The following ZNF724 variants were observed in gnomAD, a reference collection of about 807,000 sequenced individuals.
The protein encoded by ZNF724 is zinc finger protein 724.
ZNF724 carries 14 observed loss-of-function variants against 29.3 expected under a neutral mutation model. The ratio of observed to expected loss-of-function variants is 0.48; its 90% CI spans 0.32 to 0.75. The LOEUF (loss-of-function observed/expected upper bound fraction) is 0.75. Ranked by LOEUF, ZNF724 falls within the 30% of genes least tolerant of loss-of-function variation. The probability of loss-of-function intolerance (pLI) is 0.04; values close to 1 mark genes in which losing one functional copy is unlikely to be tolerated. For synonymous variants in ZNF724, 180 were observed against 193.6 expected, an observed-to-expected ratio of 0.93 and a Z score of 0.58; for missense variants, 557 against 571.2, an observed-to-expected ratio of 0.98 and a Z score of 0.25.
Position 23,250,330 on chromosome 19 carries a change from A to G in ZNF724, c.-88T>C, listed in dbSNP as rs2145801798. The G allele has an allele frequency of 1.8e-6, 1 of 542,406 alleles. No individual in the cohort carries two copies. The highest frequency in any genetic ancestry group is 3.7e-6 in the Non-Finnish European group (1 of 270,978). The allele number at this position is 542,406 out of a possible 1,614,324, so 33.6% of individuals were successfully genotyped here. On this transcript the variant is annotated 5_prime_UTR_variant, in exon 1 of 4. Coordinates refer to ENST00000418100, the MANE Select transcript of ZNF724 (RefSeq NM_001355404.2). Reference sequence around the variant, plus strand: ...GAGGGCCACAGAGGCTGGGCCTCTAAGAGCAGGGGACACAAAGCAGGGAAG... The same window carrying G: ...GAGGGCCACAGAGGCTGGGCCTCTAGGAGCAGGGGACACAAAGCAGGGAAG...
At chr19:23,231,430 G>T in intron 2 of ZNF724, 69 bp from the exon 3 acceptor site, 1 of 1,057,302 alleles carries the variant, frequency 9.5e-7, no homozygotes. Context: ...AGTAAAAAGG[G>T]TGTAATTAAT....
chr19:23,232,438 G>A lies in ZNF724; in HGVS notation c.4-145C>T, dbSNP rs73559564. The A allele has an allele frequency of 4.6e-3, 2,694 of 585,146 alleles. 75 individuals carry two copies. Among genetic ancestry groups the A allele is most frequent in the African/African-American group, 0.046 (2,402 of 52,660 alleles). The allele number at this position is 585,146 out of a possible 1,614,324, so 36.2% of individuals were successfully genotyped here. A position where few individuals can be genotyped will look rare whatever the true frequency, so the allele number is the denominator to read the frequency against. On this transcript the variant is annotated intron_variant, in intron 1 of 3. Transcript: ENST00000418100. ...TCCAAATGAAGTAATTTTAAAGACA[G>A]AAATATTCTCTGATGTACTCTCTAA...
chr19:23,247,483 T>C (rs1013817028), intron 1 of ZNF724, among the ~76,000 whole-genome samples: 3 of 152,206 alleles, frequency 2.0e-5, no homozygotes, highest in Non-Finnish European at 4.4e-5. Context: ...AAAACAGATG[T>C]GTCTGACTCA....
intron 1 of ZNF724, among the ~76,000 whole-genome samples, chr19:23,242,967 A>G (rs1441616564): frequency 2.7e-5 from 4 of 147,978 alleles, no homozygotes; most frequent in African/African-American, 1.0e-4. Context: ...TGAACTCGGA[A>G]GGCGGAAGTT....
chr19:23,224,076 T>C (rs966419672), intron 3 of ZNF724, 58 bp from the exon 4 acceptor site: 4 of 602,096 alleles, frequency 6.6e-6, no homozygotes, highest in South Asian at 2.1e-5. Context: ...ACATATTCTT[T>C]ACACATCTAA....
At chr19:23,234,469 T>A (rs907818868) in intron 1 of ZNF724, among the ~76,000 whole-genome samples, 1 of 152,080 alleles carries the variant, frequency 6.6e-6, no homozygotes. Flanking sequence ...TTTTTTTTTT[T>A]AGACGGTGTT....
rs373457629 is a variant in ZNF724, at chr19:23,232,119, C to G, written c.130+48G>C. 3.2e-4 allele frequency: 395 copies of G among 1,227,638 alleles called. 1 individual carries two copies. The highest frequency in any genetic ancestry group is 9.6e-4 in the Middle Eastern group (5 of 5,232). 76.0% of individuals were successfully genotyped at this position (1,227,638 alleles called of 1,614,324 possible). A position where few individuals can be genotyped will look rare whatever the true frequency, so the allele number is the denominator to read the frequency against. On this transcript the variant is annotated intron_variant, in intron 2 of 3. Transcript: ENST00000418100. ...AAAAAACATCCTACAAAAAAACAAA[C>G]GAAATATTTAGGGTAGATTAGGAAT...
At chr19:23,249,841 A>T (rs957563356) in intron 1 of ZNF724, among the ~76,000 whole-genome samples, 1 of 152,062 alleles carries the variant, frequency 6.6e-6, no homozygotes, top group East Asian at 1.9e-4. Context: ...GCCTGCCATA[A>T]ATTTTTAATA....
In ZNF724 at chr19:23,240,802, C is replaced by A. The variant is rs189281819; in HGVS notation, c.4-8509G>T. ...ATCCCAGCACTTTGGGAGGCCGAGG[C>A]AGGTGGATCACCTGAGGTCAGGAGT... is the stretch of plus-strand genomic sequence containing the variant. On this transcript the variant is annotated intron_variant, in intron 1 of 3. Transcript: ENST00000418100. 4.8e-3 allele frequency among the ~76,000 whole-genome samples: 715 copies of A among 150,486 alleles called. 11 individuals are homozygous for A. The highest frequency in any genetic ancestry group is 5.8e-3 in the Non-Finnish European group (396 of 67,812).
intron 1 of ZNF724, among the ~76,000 whole-genome samples, chr19:23,245,401 C>T (rs2145795335): frequency 6.6e-6 from 1 of 152,264 alleles, no homozygotes; most frequent in African/African-American, 2.4e-5. Context: ...ATCACGAGGT[C>T]AGGAGATCGA....
At chr19:23,239,265 T>G (rs1645522794) in intron 1 of ZNF724, among the ~76,000 whole-genome samples, 1 of 152,216 alleles carries the variant, frequency 6.6e-6, no homozygotes, top group Non-Finnish European at 1.5e-5. Context: ...ATCAACATAG[T>G]ATACATTCTT....
At chr19:23,232,436 C>G in intron 1 of ZNF724, 143 bp from the exon 2 acceptor site, 2 of 586,274 alleles carry the variant, frequency 3.4e-6, no homozygotes, top group South Asian at 4.1e-5. Context: ...ATTTTAAAGA[C>G]AGAAATATTC....
rs1026255416 is a variant in ZNF724, at chr19:23,248,210, A to T, written c.3+2030T>A. Among the ~76,000 whole-genome samples, 8 of 152,346 alleles carry T rather than the reference A, an allele frequency of 5.3e-5. No homozygotes were observed. The East Asian group carries it at 1.3e-3, about 26-fold the overall frequency. The stretch of plus-strand genomic sequence containing the variant: ...ATTTAAAAACAGAAAACAAATTTTT[A>T]AAATGTTTTCAATGTGTTGTCAGTA... On this transcript the variant is annotated intron_variant, in intron 1 of 3. Transcript: ENST00000418100.
chr19:23,227,571 C>CAAAACAA (rs1555724232), intron 3 of ZNF724, among the ~76,000 whole-genome samples: 1 of 118,988 alleles, frequency 8.4e-6, no homozygotes, highest in Admixed American at 1.0e-4. Flanking sequence ...AAAAAAAAAA[C>CAAAACAA]AAAAAAAAAC....
chr19:23,235,310 G>A (rs371370725), intron 1 of ZNF724, among the ~76,000 whole-genome samples: 40 of 151,976 alleles, frequency 2.6e-4, no homozygotes, highest in African/African-American at 9.4e-4. Flanking sequence ...AAAATGTATA[G>A]AACACTAAAT....
intron 1 of ZNF724, among the ~76,000 whole-genome samples, chr19:23,241,990 TTTGG>T (rs1379704128): frequency 1.3e-5 from 2 of 152,072 alleles, no homozygotes; most frequent in African/African-American, 4.8e-5. Context: ...AAACCCTAGT[TTTGG>T]CAGAAATGCT....
chr19:23,246,382 C>T (rs1012177842), intron 1 of ZNF724, among the ~76,000 whole-genome samples: 2 of 152,076 alleles, frequency 1.3e-5, no homozygotes, highest in Admixed American at 6.6e-5. Flanking sequence ...ATCGGCCGGG[C>T]GCAGTGGATC....
At chr19:23,250,120 G>A (rs2145801347) in intron 1 of ZNF724, 120 bp downstream of exon 1, 1 of 544,740 alleles carries the variant, frequency 1.8e-6, no homozygotes, top group South Asian at 1.4e-5. Flanking sequence ...TGGGCAAGGA[G>A]AACTCAGGGC....
At chr19:23,241,560 C>A (rs1215993576) in intron 1 of ZNF724, among the ~76,000 whole-genome samples, 2 of 152,158 alleles carry the variant, frequency 1.3e-5, no homozygotes, top group Non-Finnish European at 1.5e-5. Context: ...ACCAAGTAGG[C>A]TTTATCGCTG....
Sources: allele counts gnomAD v4.1 joint callset (sites outside exome capture counted in the v4.1 genomes callset), GRCh38; gene constraint gnomAD v4.1.1; transcripts MANE v1.5; gene names NCBI Gene and HGNC (gene_info 2026-07-23, HGNC 2026-07-21).